The following NXPE2 variants were observed in gnomAD, a reference collection of about 807,000 sequenced individuals.
The protein encoded by NXPE2 is NXPE family member 2.
NXPE2 carries 34 observed loss-of-function variants against 34.4 expected under a neutral mutation model. The ratio of observed to expected loss-of-function variants is 0.99; its 90% CI spans 0.75 to 1.31. NXPE2 has a LOEUF of 1.31. Ranked by LOEUF, NXPE2 falls within the 40% of genes most tolerant of loss-of-function variation. The pLI is 0.00. For synonymous variants in NXPE2, 235 were observed against 231.3 expected (o/e 1.02, Z -0.15); for missense variants, 649 against 672.5 (o/e 0.97, Z 0.39).
At chr11:114,780,008 A>G in the NXPE2 span, among the ~76,000 whole-genome samples, 2 of 152,182 alleles carry the variant, frequency 1.3e-5, no homozygotes, top group Non-Finnish European at 2.9e-5. Context: ...CCCTGTAGAT[A>G]TCGACAGCCA....
chr11:114,509,947 T>C, the NXPE2 span, among the ~76,000 whole-genome samples: 1 of 151,514 alleles, frequency 6.6e-6, no homozygotes. Flanking sequence ...AGAGTAAGAG[T>C]CCCTAATCCT....
the NXPE2 span, among the ~76,000 whole-genome samples, chr11:114,471,247 A>G: frequency 1.3e-5 from 2 of 152,148 alleles, no homozygotes; most frequent in South Asian, 2.1e-4. Flanking sequence ...ATTGCTCTAC[A>G]AGTTTTACAG....
At chr11:114,556,144 A>G in the NXPE2 span, among the ~76,000 whole-genome samples, 2 of 152,218 alleles carry the variant, frequency 1.3e-5, no homozygotes, top group African/African-American at 4.8e-5. Context: ...TGCTCTAGTA[A>G]CAATATTGAG....
the NXPE2 span, among the ~76,000 whole-genome samples, chr11:114,477,658 A>G: frequency 2.0e-5 from 3 of 152,276 alleles, no homozygotes; most frequent in African/African-American, 4.8e-5. Context: ...CATGTGCAGC[A>G]ATATGGGTGA....
the NXPE2 span, among the ~76,000 whole-genome samples, chr11:114,489,475 G>A: frequency 3.9e-5 from 6 of 152,086 alleles, no homozygotes; most frequent in Non-Finnish European, 7.4e-5. Flanking sequence ...ACTGGCAAAC[G>A]GAATCCAGCA....
the NXPE2 span, among the ~76,000 whole-genome samples, chr11:114,729,940 G>A: frequency 6.6e-6 from 1 of 152,062 alleles, no homozygotes; most frequent in African/African-American, 2.4e-5. Flanking sequence ...TATTTTTGTT[G>A]TAATTGCTTT....
chr11:114,465,058 G>A, the NXPE2 span, among the ~76,000 whole-genome samples: 1 of 152,172 alleles, frequency 6.6e-6, no homozygotes, highest in African/African-American at 2.4e-5. Flanking sequence ...TTAAGAATGT[G>A]AGTCTTAAGC....
the NXPE2 span, among the ~76,000 whole-genome samples, chr11:114,728,948 C>T: frequency 6.6e-6 from 1 of 151,900 alleles, no homozygotes; most frequent in Non-Finnish European, 1.5e-5. Context: ...ATTTTAGATT[C>T]AGGGGGTATA....
chr11:114,707,940 T>C (rs1382089334), downstream of NXPE2, among the ~76,000 whole-genome samples: 1 of 152,240 alleles, frequency 6.6e-6, no homozygotes, highest in Non-Finnish European at 1.5e-5. Context: ...ATCCATTCAT[T>C]TGTTGATCGA....
the NXPE2 span, among the ~76,000 whole-genome samples, chr11:114,647,294 G>T: frequency 1.3e-5 from 2 of 152,008 alleles, no homozygotes; most frequent in Non-Finnish European, 2.9e-5. Context: ...TTCTTTTATT[G>T]TACTGTGCTT....
the NXPE2 span, among the ~76,000 whole-genome samples, chr11:114,585,700 G>C: frequency 6.6e-6 from 1 of 152,144 alleles, no homozygotes; most frequent in Admixed American, 6.6e-5. Context: ...TAGGTAGACA[G>C]TGAGGGTAAA....
upstream of NXPE2, among the ~76,000 whole-genome samples, chr11:114,677,451 T>C (rs1591422544): frequency 6.6e-6 from 1 of 152,096 alleles, no homozygotes. Context: ...TTCTGGACAC[T>C]ATTATAACTG....
At chr11:114,623,358 G>C in the NXPE2 span, among the ~76,000 whole-genome samples, 1 of 151,960 alleles carries the variant, frequency 6.6e-6, no homozygotes, top group African/African-American at 2.4e-5. Flanking sequence ...TCGCCTGTAG[G>C]GTAACCACTT....
the NXPE2 span, among the ~76,000 whole-genome samples, chr11:114,636,769 A>C: frequency 7.3e-5 from 11 of 151,526 alleles, no homozygotes; most frequent in Non-Finnish European, 1.2e-4. Context: ...GTAGTTGAGT[A>C]GTTTTGAGTG....
chr11:114,510,823 A>G, the NXPE2 span, among the ~76,000 whole-genome samples: 1 of 152,208 alleles, frequency 6.6e-6, no homozygotes, highest in Admixed American at 6.5e-5. Flanking sequence ...ACAGAAAACC[A>G]AGCAAATAAA....
chr11:114,545,928 A>T, the NXPE2 span, among the ~76,000 whole-genome samples: 5 of 152,004 alleles, frequency 3.3e-5, no homozygotes, highest in Admixed American at 6.6e-5. Context: ...TGACTTTGCG[A>T]TCCACCCACC....
chr11:114,517,238 C>T, the NXPE2 span, among the ~76,000 whole-genome samples: 1 of 152,086 alleles, frequency 6.6e-6, no homozygotes, highest in African/African-American at 2.4e-5. Context: ...CAATTAGTGG[C>T]TGTATGTAAA....
the NXPE2 span, among the ~76,000 whole-genome samples, chr11:114,768,482 A>G: frequency 6.6e-6 from 1 of 152,202 alleles, no homozygotes; most frequent in Non-Finnish European, 1.5e-5. Context: ...ATAGCATTGA[A>G]TCTATAAATT....
chr11:114,692,812 C>CT (rs1245974248), intron 2 of NXPE2, among the ~76,000 whole-genome samples: 1 of 152,088 alleles, frequency 6.6e-6, no homozygotes, highest in Non-Finnish European at 1.5e-5. Flanking sequence ...TTCTTTCTTT[C>CT]TTTTTTTGTT....
Sources: allele counts gnomAD v4.1 joint callset (sites outside exome capture counted in the v4.1 genomes callset), GRCh38; gene constraint gnomAD v4.1.1; transcripts MANE v1.5; gene names NCBI Gene and HGNC (gene_info 2026-07-23, HGNC 2026-07-21).